FAM135A: variants seen among roughly 807,000 people sequenced by gnomAD.
FAM135A encodes the protein protein FAM135A.
A neutral mutation model predicts 146.8 loss-of-function variants in FAM135A; 79 were observed. The ratio of observed to expected loss-of-function variants is 0.54; its 90% CI spans 0.45 to 0.65. FAM135A has a LOEUF of 0.65. FAM135A is among the 30% of genes least tolerant of loss of function. The pLI, the probability that FAM135A is intolerant of heterozygous loss-of-function variation, is 0.00. For synonymous variants in FAM135A, 562 were observed against 603.6 expected (o/e 0.93, Z 1.01); for missense variants, 1,623 against 1,758.2 (o/e 0.92, Z 1.38).
chr6:70,496,263 A>G (rs375664167), intron 11 of FAM135A, among the ~76,000 whole-genome samples: 2 of 152,128 alleles, frequency 1.3e-5, no homozygotes, highest in African/African-American at 4.8e-5. Flanking sequence ...ACCAGTGATG[A>G]TAAGCTTTTT....
Position 70,560,172 on chromosome 6 carries a change from A to C in FAM135A, c.*251A>C, listed in dbSNP as rs185685994. On this transcript the variant is annotated 3_prime_UTR_variant, in exon 22 of 22. Coordinates refer to ENST00000418814, the MANE Select transcript of FAM135A (RefSeq NM_001162529.3). ...TACTTTTTCATATATTTTGCTACCTAAGTATTTCAGTGAAACTTTAAGCCC... is the reference window on the plus strand; with the variant it reads ...TACTTTTTCATATATTTTGCTACCTCAGTATTTCAGTGAAACTTTAAGCCC... 4.4e-4 allele frequency: 160 copies of C among 362,614 alleles called. No individual in the cohort carries two copies. The highest frequency in any genetic ancestry group is 3.1e-3 in the African/African-American group (148 of 47,346). 22.5% of individuals were successfully genotyped at this position (362,614 alleles called of 1,614,324 possible). A position where few individuals can be genotyped will look rare whatever the true frequency, so the allele number is the denominator to read the frequency against.
intron 2 of FAM135A, chr6:70,417,686 T>G (rs1002963429): frequency 2.2e-6 from 2 of 922,942 alleles, no homozygotes; most frequent in Non-Finnish European, 2.6e-6. Context: ...ACACTTGCTC[T>G]TTGATGTCTT....
At position 70,554,713 on chromosome 6, in the gene FAM135A, C is replaced by T. The variant is rs111792560; in HGVS notation, c.4229-2037C>T. Among the ~76,000 whole-genome samples the T allele has an allele frequency of 7.4e-3, 1,132 of 152,144 alleles. 20 individuals carry two copies. The highest frequency in any genetic ancestry group is 0.026 in the African/African-American group (1,089 of 41,492). On this transcript the variant is annotated intron_variant, in intron 20 of 21. Transcript: ENST00000418814. ...CACAATATCAGCTCACTGCAACCTC[C>T]GCCTCCTGGGTTCAAGCGATTCTCC...
At chr6:70,528,147 A>G in intron 15 of FAM135A, 145 bp from the exon 16 acceptor site, 1 of 596,216 alleles carries the variant, frequency 1.7e-6, no homozygotes, top group Non-Finnish European at 2.7e-6. Context: ...TCTGATTTCT[A>G]AATCACTTAG....
chr6:70,477,061 G>T, intron 7 of FAM135A, 98 bp from the exon 8 acceptor site: 2 of 1,264,896 alleles, frequency 1.6e-6, no homozygotes, highest in Non-Finnish European at 2.1e-6. Flanking sequence ...TTTTTAAAAA[G>T]TAATTAAGTA....
At chr6:70,532,276 A>G (rs901812682) in intron 16 of FAM135A, among the ~76,000 whole-genome samples, 9 of 152,136 alleles carry the variant, frequency 5.9e-5, no homozygotes, top group Admixed American at 2.0e-4. Context: ...AAAATTTTTG[A>G]AACCCATACG....
intron 20 of FAM135A, among the ~76,000 whole-genome samples, chr6:70,545,053 A>C (rs1562017648): frequency 6.6e-6 from 1 of 151,264 alleles, no homozygotes; most frequent in Non-Finnish European, 1.5e-5. Context: ...CTCTGTCTCA[A>C]AAAAAAAACA....
At chr6:70,518,164 A>G (rs9455137) in intron 12 of FAM135A, among the ~76,000 whole-genome samples, 3,829 of 152,292 alleles carry the variant, frequency 0.025, 164 homozygotes, top group African/African-American at 0.088. Flanking sequence ...TGGAACGATA[A>G]GAAAGTGAAA....
chr6:70,520,594 G>GT (rs1010290159), intron 12 of FAM135A, among the ~76,000 whole-genome samples: 6 of 151,274 alleles, frequency 4.0e-5, no homozygotes, highest in African/African-American at 7.3e-5. Context: ...TGCCAAATAA[G>GT]TTTTTTTTTA....
chr6:70,440,415 G>A (rs910420599), intron 4 of FAM135A, among the ~76,000 whole-genome samples: 4 of 152,098 alleles, frequency 2.6e-5, no homozygotes, highest in African/African-American at 4.8e-5. Flanking sequence ...GGCTGGGCAC[G>A]GTGGCTCACA....
At chr6:70,505,216 A>C (rs1789487837) in intron 12 of FAM135A, among the ~76,000 whole-genome samples, 1 of 152,148 alleles carries the variant, frequency 6.6e-6, no homozygotes, top group Admixed American at 6.6e-5. Context: ...TCTTAGGTTA[A>C]CCAATACACT....
At chr6:70,520,141 C>T (rs1793239790) in intron 12 of FAM135A, among the ~76,000 whole-genome samples, 1 of 151,936 alleles carries the variant, frequency 6.6e-6, no homozygotes, top group South Asian at 2.1e-4. Flanking sequence ...TGCCTGTGTA[C>T]TTACCTCTGT....
intron 3 of FAM135A, 45 bp from the exon 4 acceptor site, chr6:70,428,259 A>G: frequency 1.1e-6 from 1 of 923,844 alleles, no homozygotes; most frequent in South Asian, 1.8e-5. Flanking sequence ...ATAAGTTGGC[A>G]TTTTTGTTAC....
chr6:70,534,220 A>C (rs1197711371), intron 18 of FAM135A, among the ~76,000 whole-genome samples: 1 of 151,234 alleles, frequency 6.6e-6, no homozygotes, highest in Non-Finnish European at 1.5e-5. Context: ...TAAGTGGAAG[A>C]AGTATAGGCT....
At chr6:70,464,917 C>G (rs1780158348) in intron 5 of FAM135A, among the ~76,000 whole-genome samples, 1 of 138,336 alleles carries the variant, frequency 7.2e-6, no homozygotes, top group Non-Finnish European at 1.5e-5. Flanking sequence ...CTCCTGACCT[C>G]AAGTGATCCA....
intron 7 of FAM135A, among the ~76,000 whole-genome samples, chr6:70,476,122 C>G (rs1582402727): frequency 5.9e-5 from 9 of 152,120 alleles, no homozygotes; most frequent in Admixed American, 5.9e-4. Flanking sequence ...TGAGAGTTAT[C>G]AAGACTGACG....
chr6:70,486,239 A>G, intron 10 of FAM135A: 2 of 1,613,634 alleles, frequency 1.2e-6, no homozygotes, highest in Non-Finnish European at 1.7e-6. Context: ...AAAGACAACC[A>G]TCTAGGTACG....
intron 4 of FAM135A, among the ~76,000 whole-genome samples, chr6:70,439,563 G>A (rs181703017): frequency 6.6e-6 from 1 of 152,094 alleles, no homozygotes; most frequent in Non-Finnish European, 1.5e-5. Context: ...GGCACTTTTT[G>A]TGTTTAAGTG....
chr6:70,554,782 C>T (rs924721070), intron 20 of FAM135A, among the ~76,000 whole-genome samples: 3 of 152,144 alleles, frequency 2.0e-5, no homozygotes, highest in Non-Finnish European at 2.9e-5. Context: ...TGGCTGCCAC[C>T]ATGCCTAGCT....
Sources: gnomAD v4.1 joint callset for allele counts (sites outside exome capture counted in the v4.1 genomes callset) on GRCh38, gnomAD v4.1.1 for gene constraint, MANE v1.5 for transcripts, NCBI Gene and HGNC (gene_info 2026-07-23, HGNC 2026-07-21) for gene names.